CEP162: variants seen among roughly 807,000 people sequenced by gnomAD.
CEP162 encodes centrosomal protein 162, also known as centrosomal protein of 162 kDa.
Under a neutral mutation model 169.2 loss-of-function variants are expected in CEP162, and 141 were observed. That is an observed-to-expected ratio of 0.83 (90% confidence interval 0.73 to 0.96). CEP162 has a LOEUF of 0.96. Among genes scored for constraint, CEP162 ranks in the 40% least tolerant of loss-of-function variants. CEP162 has a pLI of 0.00. For synonymous variants in CEP162, 540 were observed against 526.4 expected, an observed-to-expected ratio of 1.03 and a Z score of -0.35; for missense variants, 1,600 against 1,587.2, an observed-to-expected ratio of 1.01 and a Z score of -0.14.
chr6:84,195,680 T>G (rs2127726231), intron 9 of CEP162, among the ~76,000 whole-genome samples: 1 of 152,342 alleles, frequency 6.6e-6, no homozygotes, highest in African/African-American at 2.4e-5. Flanking sequence ...CTGTTTCTTC[T>G]GCATGCCTTC....
intron 6 of CEP162, among the ~76,000 whole-genome samples, chr6:84,204,453 C>G (rs1203438454): frequency 6.6e-6 from 1 of 152,218 alleles, no homozygotes; most frequent in Non-Finnish European, 1.5e-5. Flanking sequence ...TACATGGAAA[C>G]TGAACAAGCT....
At chr6:84,181,404 A>G (rs1253467668) in intron 13 of CEP162, among the ~76,000 whole-genome samples, 1 of 152,216 alleles carries the variant, frequency 6.6e-6, no homozygotes, top group African/African-American at 2.4e-5. Context: ...AAACCCTAGA[A>G]GAAAACCTAG....
At chr6:84,216,520 T>C (rs535466187) in intron 3 of CEP162, among the ~76,000 whole-genome samples, 3 of 152,254 alleles carry the variant, frequency 2.0e-5, no homozygotes, top group South Asian at 4.1e-4. Flanking sequence ...GTGCATACTG[T>C]TGGGGACGGG....
intron 25 of CEP162, among the ~76,000 whole-genome samples, chr6:84,133,943 C>T (rs2099512744): frequency 6.6e-6 from 1 of 152,204 alleles, no homozygotes; most frequent in South Asian, 2.1e-4. Flanking sequence ...ATGAGTCGCT[C>T]ATGCTAGGAG....
chr6:84,211,526 C>CAAAAAAAAAA (rs960472453), intron 6 of CEP162, among the ~76,000 whole-genome samples: 2 of 35,566 alleles, frequency 5.6e-5, no homozygotes, highest in East Asian at 1.8e-3. Flanking sequence ...GATTCTATCT[C>CAAAAAAAAAA]AAAAAAAAAA....
intron 25 of CEP162, among the ~76,000 whole-genome samples, chr6:84,131,598 G>A (rs2099511458): frequency 6.7e-6 from 1 of 149,796 alleles, no homozygotes; most frequent in South Asian, 2.1e-4. Flanking sequence ...TACCATTATG[G>A]CCTTGTCTCT....
At chr6:84,226,272 C>A in intron 2 of CEP162, 65 bp downstream of exon 2, 2 of 1,062,956 alleles carry the variant, frequency 1.9e-6, no homozygotes. Flanking sequence ...TTCGAGATGA[C>A]AGAATTGAAG....
At chr6:84,185,685 GC>G (rs142473210) in intron 12 of CEP162, among the ~76,000 whole-genome samples, 4,187 of 152,130 alleles carry the variant, frequency 0.028, 197 homozygotes, top group African/African-American at 0.095. Context: ...AAATTAGCTT[GC>G]CAGAAACCAA....
intron 15 of CEP162, 121 bp from the exon 16 acceptor site, chr6:84,174,309 G>T: frequency 1.2e-6 from 1 of 819,554 alleles, no homozygotes; most frequent in Non-Finnish European, 1.9e-6. Flanking sequence ...GAACATATTA[G>T]AATGTGACAT....
intron 19 of CEP162, among the ~76,000 whole-genome samples, chr6:84,162,786 A>G (rs1397819697): frequency 1.3e-5 from 2 of 152,142 alleles, no homozygotes; most frequent in Non-Finnish European, 1.5e-5. Flanking sequence ...CCAGTGCACT[A>G]CTATTTATTC....
At chr6:84,179,963 A>G (rs960994197) in intron 13 of CEP162, among the ~76,000 whole-genome samples, 1 of 152,182 alleles carries the variant, frequency 6.6e-6, no homozygotes, top group Non-Finnish European at 1.5e-5. Context: ...CAATCAATAG[A>G]AAAAGAGGGA....
intron 9 of CEP162, 149 bp from the exon 10 acceptor site, chr6:84,195,224 G>T: frequency 1.5e-6 from 1 of 652,604 alleles, no homozygotes; most frequent in Non-Finnish European, 2.5e-6. Context: ...TACCAGCATG[G>T]ATTCATAGCA....
chr6:84,160,485 G>T (rs949555040), intron 21 of CEP162, among the ~76,000 whole-genome samples: 1 of 152,086 alleles, frequency 6.6e-6, no homozygotes, highest in Non-Finnish European at 1.5e-5. Flanking sequence ...TCTCTCAGCT[G>T]TCTACGGTCA....
In CEP162 at chr6:84,224,875, T is replaced by C. The variant is rs541052283; in HGVS notation, c.57+1462A>G. On this transcript the variant is annotated intron_variant, in intron 2 of 26. Transcript: ENST00000403245. The stretch of plus-strand genomic sequence containing the variant: ...TTACAATAAAAATCATTCCTATAAA[T>C]TTAATTTTCAAAATGTGTCTGTATT... Among the ~76,000 whole-genome samples, 8 of 152,314 alleles carry C rather than the reference T, an allele frequency of 5.3e-5. 1 individual carries two copies. The highest frequency in any genetic ancestry group is 1.9e-4 in the African/African-American group (8 of 41,572).
At chr6:84,207,498 AT>A (rs2099547663) in intron 6 of CEP162, among the ~76,000 whole-genome samples, 1 of 144,334 alleles carries the variant, frequency 6.9e-6, no homozygotes, top group Non-Finnish European at 1.5e-5. Flanking sequence ...GTTCTCACTT[AT>A]AGGTGGGGAT....
intron 25 of CEP162, among the ~76,000 whole-genome samples, chr6:84,142,700 G>A (rs536177365): frequency 6.6e-6 from 1 of 152,168 alleles, no homozygotes; most frequent in East Asian, 1.9e-4. Flanking sequence ...TATGCTACCT[G>A]GGTTTACTAA....
At chr6:84,195,324 A>G (rs1256364138) in intron 9 of CEP162, among the ~76,000 whole-genome samples, 1 of 152,142 alleles carries the variant, frequency 6.6e-6, no homozygotes, top group Admixed American at 6.5e-5. Flanking sequence ...TTCTCCTACT[A>G]TTCTTAATCG....
chr6:84,190,423 CA>C (rs894761516), intron 11 of CEP162, among the ~76,000 whole-genome samples: 8 of 152,042 alleles, frequency 5.3e-5, no homozygotes, highest in Non-Finnish European at 1.0e-4. Context: ...TCCCCTTCCA[CA>C]CTGTGGAAGC....
rs1342300553 is a variant in CEP162 at position 84,171,648 on chromosome 6, A to G, written c.2237T>C (p.Phe746Ser). The change falls in exon 17 of 27, where the codon TTT (phenylalanine) becomes TCT (serine). Residue 746 changes from phenylalanine (F) to serine (S), a missense_variant. Physicochemically the swap from Phe to Ser is radical, Grantham distance 155. Transcript: ENST00000403245. ...ACTGAATAAACTTTGGTTTTCCTTAAACATTCGCTCCTCATTTTTCTTGTT... is the reference window on the plus strand; with the variant it reads ...ACTGAATAAACTTTGGTTTTCCTTAGACATTCGCTCCTCATTTTTCTTGTT... ...EQNKKNEERM[F>S]KENQSLFSEV... The G allele has an allele frequency of 6.4e-7, 1 of 1,554,472 alleles. No homozygotes were observed. Among genetic ancestry groups the G allele is most frequent in the African/African-American group, 1.4e-5 (1 of 72,886 alleles).
Sources: allele counts gnomAD v4.1 joint callset (sites outside exome capture counted in the v4.1 genomes callset), GRCh38; gene constraint gnomAD v4.1.1; transcripts MANE v1.5; gene names NCBI Gene and HGNC (gene_info 2026-07-23, HGNC 2026-07-21).